ATL1: variants seen among roughly 807,000 people sequenced by gnomAD.
The protein encoded by ATL1 is atlastin GTPase 1.
Under a neutral mutation model 75.5 loss-of-function variants are expected in ATL1, and 31 were observed. That is an observed-to-expected ratio of 0.41 (90% CI 0.31 to 0.55). ATL1 has a LOEUF of 0.55. Among genes scored for constraint, ATL1 ranks in the 20% least tolerant of loss-of-function variants. The probability of loss-of-function intolerance (pLI) is 0.27; values close to 1 mark genes in which losing one functional copy is unlikely to be tolerated. For missense variants in ATL1, 405 were observed against 662.6 expected, an observed-to-expected ratio of 0.61 and a Z score of 4.27; for synonymous variants, 226 against 233.3, an observed-to-expected ratio of 0.97 and a Z score of 0.28.
chr14:50,628,607 G>C (rs2039546471), intron 12 of ATL1, 145 bp downstream of exon 12: 3 of 787,906 alleles, frequency 3.8e-6, no homozygotes, highest in African/African-American at 3.4e-5. Context: ...CCAGATACAA[G>C]CAACTAACTA....
chr14:50,601,011 A>G (rs2039266835), intron 6 of ATL1, among the ~76,000 whole-genome samples: 1 of 152,244 alleles, frequency 6.6e-6, no homozygotes, highest in African/African-American at 2.4e-5. Flanking sequence ...GCGGGGCTGA[A>G]GTGGGAGGAT....
At chr14:50,609,899 G>A (rs576697512) in intron 6 of ATL1, among the ~76,000 whole-genome samples, 12 of 151,772 alleles carry the variant, frequency 7.9e-5, no homozygotes, top group African/African-American at 2.9e-4. Context: ...GATTTTTTTT[G>A]TTCGTGATAC....
intron 1 of ATL1, among the ~76,000 whole-genome samples, chr14:50,581,494 A>T (rs1161714003): frequency 1.3e-5 from 2 of 152,160 alleles, no homozygotes; most frequent in Non-Finnish European, 2.9e-5. Flanking sequence ...TGTCAAAGAC[A>T]AATTGACAAA....
At chr14:50,567,429 G>C (rs565115809) in intron 1 of ATL1, among the ~76,000 whole-genome samples, 1 of 152,238 alleles carries the variant, frequency 6.6e-6, no homozygotes, top group East Asian at 1.9e-4. Context: ...TGAACATGGT[G>C]TACAAGTATC....
At chr14:50,560,420 G>T (rs566356232) in intron 1 of ATL1, 121 bp downstream of exon 1, 4 of 1,331,218 alleles carry the variant, frequency 3.0e-6, no homozygotes, top group Admixed American at 2.0e-5. Flanking sequence ...GCTGGGAGAC[G>T]GGCCGTAGCC....
intron 6 of ATL1, among the ~76,000 whole-genome samples, chr14:50,596,950 C>T (rs973222092): frequency 3.3e-5 from 5 of 152,066 alleles, no homozygotes; most frequent in Non-Finnish European, 7.4e-5. Flanking sequence ...TGGCTCACAC[C>T]TGTAATCCCA....
chr14:50,551,535 A>G (rs12881560), intron 1 of ATL1, among the ~76,000 whole-genome samples: 31,287 of 152,080 alleles, frequency 0.21, 3,927 homozygotes, highest in Middle Eastern at 0.29. Flanking sequence ...TGAAGGCAGT[A>G]TTACCCTAAT....
At chr14:50,543,115 G>A (rs59948247) in intron 1 of ATL1, among the ~76,000 whole-genome samples, 1,715 of 152,342 alleles carry the variant, frequency 0.011, 32 homozygotes, top group African/African-American at 0.039. Flanking sequence ...GTGTCAATCA[G>A]CCTCTTTACA....
In ATL1 at chr14:50,628,472, C is replaced by A. The variant is rs773209459; in HGVS notation, c.1551+10C>A. 1 of 1,613,030 alleles carries A rather than the reference C, an allele frequency of 6.2e-7. No homozygotes were observed. Among genetic ancestry groups the A allele is most frequent in the Non-Finnish European group, 8.5e-7 (1 of 1,179,462 alleles). ...AGCTCTGTGGGACCAGGTAAGAACACCTTTAATTCACAACTAAATTCAGCA... is the reference window on the plus strand; with the variant it reads ...AGCTCTGTGGGACCAGGTAAGAACAACTTTAATTCACAACTAAATTCAGCA... On this transcript the variant is annotated intron_variant, in intron 12 of 13. Transcript: ENST00000358385.
At chr14:50,591,886 A>AT in intron 4 of ATL1, 1 of 428,910 alleles carries the variant, frequency 2.3e-6, no homozygotes, top group Non-Finnish European at 4.2e-6. Flanking sequence ...TCTTATTGGG[A>AT]TTTTTGTTGT....
intron 6 of ATL1, among the ~76,000 whole-genome samples, chr14:50,603,399 C>G (rs1213647067): frequency 6.6e-6 from 1 of 152,126 alleles, no homozygotes; most frequent in Admixed American, 6.6e-5. Context: ...TCTTCACATT[C>G]CTTTCAGTGG....
At chr14:50,621,383 C>T (rs2039465542) in intron 9 of ATL1, among the ~76,000 whole-genome samples, 1 of 152,176 alleles carries the variant, frequency 6.6e-6, no homozygotes, top group Admixed American at 6.5e-5. Context: ...TGTTTACCTT[C>T]ATGATTGTCA....
In ATL1 at chr14:50,625,121, A is replaced by T. The variant is rs1350438937; in HGVS notation, c.1119+1873A>T. Among the ~76,000 whole-genome samples the T allele has an allele frequency of 4.6e-5, 7 of 152,114 alleles. No homozygotes were observed. The East Asian group carries it at 1.3e-3, about 29-fold the overall frequency. On this transcript the variant is annotated intron_variant, in intron 11 of 13. Transcript: ENST00000358385. ...TTACTCCAGTGAACACACAGATTAT[A>T]AAAAAGTGAAACAGCTTTTTTGCTG...
intron 6 of ATL1, among the ~76,000 whole-genome samples, chr14:50,600,880 T>C (rs1742124020): frequency 6.6e-6 from 1 of 151,990 alleles, no homozygotes; most frequent in African/African-American, 2.4e-5. Context: ...GGCAGGAAAA[T>C]TGCTTGGAGA....
intron 8 of ATL1, among the ~76,000 whole-genome samples, chr14:50,619,165 G>T (rs1008428043): frequency 1.3e-5 from 2 of 152,190 alleles, no homozygotes; most frequent in Non-Finnish European, 2.9e-5. Flanking sequence ...CGATTCCCCT[G>T]CCTCAGCCTC....
intron 1 of ATL1, among the ~76,000 whole-genome samples, chr14:50,575,110 C>T (rs1467020094): frequency 6.6e-6 from 1 of 151,032 alleles, no homozygotes; most frequent in East Asian, 1.9e-4. Flanking sequence ...CCCCCCATGT[C>T]TATTAGCCAT....
chr14:50,622,590 C>G (rs1030535879), intron 10 of ATL1, among the ~76,000 whole-genome samples: 3 of 151,806 alleles, frequency 2.0e-5, no homozygotes, highest in African/African-American at 7.3e-5. Flanking sequence ...TGCTTGAACC[C>G]AGGAGATGGA....
intron 1 of ATL1, 147 bp from the exon 2 acceptor site, chr14:50,587,684 C>A: frequency 9.1e-7 from 1 of 1,095,666 alleles, no homozygotes; most frequent in Non-Finnish European, 1.3e-6. Context: ...GCTAGGATTA[C>A]AGGCATGAGC....
chr14:50,561,510 T>A (rs1000408372), intron 1 of ATL1, among the ~76,000 whole-genome samples: 1 of 152,244 alleles, frequency 6.6e-6, no homozygotes, highest in Non-Finnish European at 1.5e-5. Context: ...CTTCTATAAC[T>A]GTTTATTTGA....
Sources: allele counts gnomAD v4.1 joint callset (sites outside exome capture counted in the v4.1 genomes callset), GRCh38; gene constraint gnomAD v4.1.1; transcripts MANE v1.5; gene names NCBI Gene and HGNC (gene_info 2026-07-23, HGNC 2026-07-21).